The following MAGEC3 variants were observed in gnomAD, a reference collection of about 807,000 sequenced individuals.
MAGEC3 encodes the protein melanoma-associated antigen C3.
MAGEC3 carries 34 observed loss-of-function variants against 35.3 expected under a neutral mutation model. The ratio of observed to expected loss-of-function variants is 0.96; its 90% confidence interval spans 0.73 to 1.28. The LOEUF is 1.28. Among genes scored for constraint, MAGEC3 ranks in the 50% most tolerant of loss-of-function variants. The pLI, the probability that MAGEC3 is intolerant of heterozygous loss-of-function variation, is 0.00. For missense variants in MAGEC3, 561 were observed against 483.6 expected, an observed-to-expected ratio of 1.16 and a Z score of -1.50; for synonymous variants, 202 against 185.6, an observed-to-expected ratio of 1.09 and a Z score of -0.72.
chrX:141,895,441 C>T lies in MAGEC3; in HGVS notation c.1048+34C>T, dbSNP rs377223341. The T allele has an allele frequency of 2.5e-6, 3 of 1,210,710 alleles. No homozygotes were observed. In the South Asian group the frequency reaches 5.3e-5, roughly 21 times the overall value. On this transcript the variant is annotated intron_variant, in intron 5 of 7. Coordinates refer to ENST00000298296, the MANE Select transcript of MAGEC3 (RefSeq NM_138702.1). The stretch of plus-strand genomic sequence containing the variant: ...CCTAAGGGAGAACTGAGGGACTTCG[C>T]ACCAAGGACAGAAGAAGCCCCGGTC...
Position 141,879,220 on chromosome X carries a change from T to G in MAGEC3, c.304T>G (p.Leu102Val), listed in dbSNP as rs1245993743. 2 of 1,202,164 alleles carry G rather than the reference T, an allele frequency of 1.7e-6. No homozygotes were observed. Among genetic ancestry groups the G allele is most frequent in the East Asian group, 6.0e-5 (2 of 33,541 alleles). ...SGSPGLQLSD[L>V]HFGSQPEGKF... Reference sequence around the variant, plus strand: ...GTCCCCAGGTTTACAACTTTCTGACTTGCATTTTGGGAGTCAGCCGGAGGG... The same window carrying G: ...GTCCCCAGGTTTACAACTTTCTGACGTGCATTTTGGGAGTCAGCCGGAGGG... Residue 102 changes from leucine (L) to valine (V), a missense_variant, in exon 3 of 8, where the codon TTG becomes GTG. Leu to Val is a conservative substitution (Grantham distance 32). Coordinates refer to ENST00000298296, the MANE Select transcript of MAGEC3 (RefSeq NM_138702.1).
At chrX:141,864,324 A>AG (rs1385455175) in intron 1 of MAGEC3, among the ~76,000 whole-genome samples, 1 of 109,220 alleles carries the variant, frequency 9.2e-6, no homozygotes, top group East Asian at 2.9e-4. Context: ...TACAAAAAAA[A>AG]AAAAAAAAAA....
rs1397471562 is a variant in MAGEC3, at chrX:141,879,286, G to A, written c.370G>A (p.Glu124Lys). Residue 124 changes from glutamate (E) to lysine (K), a missense_variant, in exon 3 of 8, where the codon GAG becomes AAG. By Grantham distance (56) the Glu-to-Lys change is moderately conservative. Coordinates refer to ENST00000298296, the MANE Select transcript of MAGEC3 (RefSeq NM_138702.1). ...GAGGGCAGTTTCAGTTAAGCAGAGG[G>A]AGGAACCCCAGGACTGGCCACTCAA... is the stretch of plus-strand genomic sequence containing the variant. The part of the protein sequence containing the change: ...LRRAVSVKQR[E>K]EPQDWPLNEK... 1 of 1,207,331 alleles carries A rather than the reference G, an allele frequency of 8.3e-7. No individual in the cohort carries two copies. The highest frequency in any genetic ancestry group is 1.8e-5 in the South Asian group (1 of 55,901).
At chrX:141,896,532 T>C (rs1385279925) in intron 6 of MAGEC3, 25 of 1,192,060 alleles carry the variant, frequency 2.1e-5, no homozygotes, top group Non-Finnish European at 2.4e-5. Flanking sequence ...GTCAGAACCA[T>C]CATAGGTGAG....
chrX:141,888,714 T>C (rs1336020397), intron 4 of MAGEC3, among the ~76,000 whole-genome samples: 1 of 111,876 alleles, frequency 8.9e-6, no homozygotes, highest in Admixed American at 9.4e-5. Context: ...ATGGAGGTTA[T>C]GCATGGGCTC....
chrX:141,869,678 A>C (rs1224424880), intron 2 of MAGEC3, among the ~76,000 whole-genome samples: 1 of 112,153 alleles, frequency 8.9e-6, no homozygotes, highest in African/African-American at 3.2e-5. Context: ...ATTATAAATC[A>C]TGTTTTGAAG....
At chrX:141,852,390 TAG>T (rs1197586963) in intron 1 of MAGEC3, among the ~76,000 whole-genome samples, 2 of 110,420 alleles carry the variant, frequency 1.8e-5, no homozygotes, top group East Asian at 5.7e-4. Context: ...CAGTCTGCAA[TAG>T]AGAGAGTTTT....
At chrX:141,882,158 G>A (rs1399096795) in intron 4 of MAGEC3, among the ~76,000 whole-genome samples, 2 of 111,575 alleles carry the variant, frequency 1.8e-5, no homozygotes, top group Non-Finnish European at 3.8e-5. Flanking sequence ...GTATAGGGCC[G>A]TTTCTTACGT....
chrX:141,882,432 G>C (rs1271099992), intron 4 of MAGEC3, among the ~76,000 whole-genome samples: 1 of 111,656 alleles, frequency 9.0e-6, no homozygotes, highest in Non-Finnish European at 1.9e-5. Context: ...AAAAAAAATG[G>C]AAAAAGCTTG....
chrX:141,838,964 AG>A (rs2017669890), intron 1 of MAGEC3: 27 of 514,930 alleles, frequency 5.2e-5, no homozygotes, highest in Non-Finnish European at 6.4e-5. Context: ...AAGAAGTGTG[AG>A]GGACCCAGCG....
At chrX:141,884,813 T>C (rs1423072948) in intron 4 of MAGEC3, among the ~76,000 whole-genome samples, 1 of 111,842 alleles carries the variant, frequency 8.9e-6, no homozygotes, top group African/African-American at 3.3e-5. Flanking sequence ...TCAAGGAACA[T>C]AATGAAGTTG....
At chrX:141,865,728 G>A (rs1292989409) in intron 2 of MAGEC3, 123 bp downstream of exon 2, 16 of 747,576 alleles carry the variant, frequency 2.1e-5, no homozygotes, top group African/African-American at 4.4e-5. Context: ...TTTGATGTCC[G>A]TAGACTTCAT....
chrX:141,851,923 G>T (rs2017752942), intron 1 of MAGEC3, among the ~76,000 whole-genome samples: 1 of 110,251 alleles, frequency 9.1e-6, no homozygotes, highest in South Asian at 3.8e-4. Flanking sequence ...GGTATTCTGG[G>T]TCCCCTGCAT....
intron 1 of MAGEC3, among the ~76,000 whole-genome samples, chrX:141,852,991 TG>T (rs1049192676): frequency 8.9e-6 from 1 of 111,754 alleles, no homozygotes; most frequent in Non-Finnish European, 1.9e-5. Context: ...ATGGTAATTC[TG>T]TTTTTAAATC....
intron 1 of MAGEC3, among the ~76,000 whole-genome samples, chrX:141,853,342 G>A (rs1392100191): frequency 2.7e-5 from 3 of 111,063 alleles, no homozygotes; most frequent in Non-Finnish European, 5.7e-5. Context: ...TATAGCCTGG[G>A]TGCTTTGAAG....
At chrX:141,843,290 C>A (rs953126886) in intron 1 of MAGEC3, among the ~76,000 whole-genome samples, 2 of 111,469 alleles carry the variant, frequency 1.8e-5, no homozygotes, top group African/African-American at 6.5e-5. Context: ...CTGTCCCTTA[C>A]TCTACAGGAG....
chrX:141,859,274 A>AT (rs1307197966), intron 1 of MAGEC3, among the ~76,000 whole-genome samples: 35 of 110,909 alleles, frequency 3.2e-4, no homozygotes, highest in African/African-American at 1.1e-3. Flanking sequence ...TTTCCTTTTG[A>AT]TTTGTATTTC....
intron 4 of MAGEC3, among the ~76,000 whole-genome samples, chrX:141,891,902 A>G (rs966893956): frequency 9.1e-6 from 1 of 109,759 alleles, no homozygotes; most frequent in Non-Finnish European, 1.9e-5. Context: ...TTCAGAGGCA[A>G]TCAAGTTAAA....
chrX:141,865,235 T>C (rs1289783275), intron 1 of MAGEC3, among the ~76,000 whole-genome samples: 1 of 111,686 alleles, frequency 9.0e-6, no homozygotes, highest in Non-Finnish European at 1.9e-5. Flanking sequence ...GGATGTCTGA[T>C]ATATTGTTTC....
Sources: allele counts gnomAD v4.1 joint callset (sites outside exome capture counted in the v4.1 genomes callset), GRCh38; gene constraint gnomAD v4.1.1; transcripts MANE v1.5; gene names NCBI Gene and HGNC (gene_info 2026-07-23, HGNC 2026-07-21).